Variants in HSPBAP1 observed in about 807,000 individuals in gnomAD.
The protein encoded by HSPBAP1 is HSPB1 associated protein 1, also known as HSPB1-associated protein 1.
HSPBAP1 carries 27 observed loss-of-function variants against 45.2 expected under a neutral mutation model. The ratio of observed to expected loss-of-function variants is 0.60; its 90% confidence interval spans 0.44 to 0.82. HSPBAP1 has a LOEUF of 0.82. Among genes scored for constraint, HSPBAP1 ranks in the 40% least tolerant of loss-of-function variants. The pLI is 0.00. For synonymous variants in HSPBAP1, 204 were observed against 202.7 expected, an observed-to-expected ratio of 1.01 and a Z score of -0.06; for missense variants, 510 against 590.9, an observed-to-expected ratio of 0.86 and a Z score of 1.42.
At chr3:122,753,771 T>C in intron 5 of HSPBAP1, 1 of 985,312 alleles carries the variant, frequency 1.0e-6, no homozygotes, top group Non-Finnish European at 1.2e-6. Flanking sequence ...TAGTAGGTTA[T>C]GCATGTCCTA....
chr3:122,767,213 T>C (rs575541374), intron 3 of HSPBAP1, among the ~76,000 whole-genome samples: 1 of 152,360 alleles, frequency 6.6e-6, no homozygotes, highest in South Asian at 2.1e-4. Flanking sequence ...ATTTCTTTCA[T>C]GGGTATGAGA....
At chr3:122,785,840 T>TATAGATAG (rs60587307) in intron 1 of HSPBAP1, among the ~76,000 whole-genome samples, 2,378 of 151,646 alleles carry the variant, frequency 0.016, 32 homozygotes, top group African/African-American at 0.031. Flanking sequence ...AGTAGCCAAA[T>TATAGATAG]ATAGATAGAT....
At position 122,745,383 on chromosome 3, in the gene HSPBAP1, C is replaced by T. The variant is rs1408859683; in HGVS notation, c.826-4270G>A. Among the ~76,000 whole-genome samples the T allele has an allele frequency of 2.0e-5, 3 of 152,174 alleles. No homozygotes were observed. The South Asian group carries it at 6.2e-4, about 31-fold the overall frequency. ...AGACAGAATGGAAGAGAAGACCTTA[C>T]CCTAGCAGCAAAAAAAGATGAAATA... On this transcript the variant is annotated intron_variant, in intron 6 of 7. Transcript: ENST00000306103.
chr3:122,773,165 A>G (rs1935061231), intron 2 of HSPBAP1, among the ~76,000 whole-genome samples: 1 of 152,082 alleles, frequency 6.6e-6, no homozygotes, highest in South Asian at 2.1e-4. Flanking sequence ...TCTTCATAAT[A>G]TATATGAAGA....
intron 3 of HSPBAP1, among the ~76,000 whole-genome samples, chr3:122,759,864 A>G (rs1398896676): frequency 6.6e-6 from 1 of 152,210 alleles, no homozygotes; most frequent in Non-Finnish European, 1.5e-5. Flanking sequence ...TACATACGCA[A>G]CTTACTAACT....
At chr3:122,745,950 A>G (rs1933832628) in intron 6 of HSPBAP1, among the ~76,000 whole-genome samples, 2 of 152,228 alleles carry the variant, frequency 1.3e-5, no homozygotes, top group Non-Finnish European at 2.9e-5. Context: ...GTTAAAATGG[A>G]TTAAGTTTGC....
At position 122,740,881 on chromosome 3, in the gene HSPBAP1, G is replaced by T; in HGVS notation, c.937-6C>A. The stretch of plus-strand genomic sequence containing the variant: ...GCATGGGACGTTTCCTCAACCTAAG[G>T]GAAGAGAAAAACCTTTTAAAATGGT... On this transcript the variant is annotated splice_region_variant and splice_polypyrimidine_tract_variant and intron_variant, in intron 7 of 7. Transcript: ENST00000306103. The T allele has an allele frequency of 6.2e-7, 1 of 1,612,596 alleles. No homozygotes were observed. The highest frequency in any genetic ancestry group is 8.5e-7 in the Non-Finnish European group (1 of 1,179,236).
At chr3:122,753,609 A>G (rs115441302) in intron 5 of HSPBAP1, 40,437 of 984,316 alleles carry the variant, frequency 0.041, 896 homozygotes, top group Middle Eastern at 0.055. Context: ...GAGATTTCCT[A>G]TTAAGAGCAG....
rs552533498 is a variant in HSPBAP1 at position 122,758,596 on chromosome 3, A to G, written c.569+628T>C. On this transcript the variant is annotated intron_variant, in intron 4 of 7. Coordinates refer to ENST00000306103, the MANE Select transcript of HSPBAP1 (RefSeq NM_024610.6). ...CCCATTTTTAAATAAAAGTTTGAAAACTACAAACTCTTATGTAAAAAAGAA... is the reference window on the plus strand; with the variant it reads ...CCCATTTTTAAATAAAAGTTTGAAAGCTACAAACTCTTATGTAAAAAAGAA... Among the ~76,000 whole-genome samples, 46 of 152,212 alleles carry G rather than the reference A, an allele frequency of 3.0e-4. 1 individual carries two copies. Among genetic ancestry groups the G allele is most frequent in the Non-Finnish European group, 4.3e-4 (29 of 67,996 alleles).
At position 122,746,649 on chromosome 3, in the gene HSPBAP1, C is replaced by G. The variant is rs535980518; in HGVS notation, c.826-5536G>C. On this transcript the variant is annotated intron_variant, in intron 6 of 7. Transcript: ENST00000306103. ...CTCTCTCTCTCCTCTCCCCTCTCCC[C>G]TCTCCCCACGGTCTCCCTCTCCCTC... is the stretch of plus-strand genomic sequence containing the variant. Among the ~76,000 whole-genome samples, 3 of 152,050 alleles carry G rather than the reference C, an allele frequency of 2.0e-5. No homozygotes were observed. In the East Asian group the frequency reaches 5.8e-4, roughly 30 times the overall value.
chr3:122,761,161 C>G (rs1326060710), intron 3 of HSPBAP1, among the ~76,000 whole-genome samples: 2 of 152,084 alleles, frequency 1.3e-5, no homozygotes, highest in African/African-American at 4.8e-5. Context: ...AGCTGAAAGC[C>G]ATTCAGTATA....
chr3:122,755,060 C>A, intron 5 of HSPBAP1, 200 bp downstream of exon 5: 1 of 1,218,548 alleles, frequency 8.2e-7, no homozygotes, highest in Non-Finnish European at 1.0e-6. Context: ...CTTGCCATTT[C>A]CTTTCCAGGA....
At chr3:122,759,105 C>T in intron 4 of HSPBAP1, 119 bp downstream of exon 4, 4 of 1,398,690 alleles carry the variant, frequency 2.9e-6, no homozygotes, top group Non-Finnish European at 2.8e-6. Context: ...GGCAGGCTGA[C>T]AGGATGGGGC....
intron 1 of HSPBAP1, among the ~76,000 whole-genome samples, chr3:122,789,646 G>T (rs760799678): frequency 1.3e-4 from 20 of 152,158 alleles, no homozygotes; most frequent in Non-Finnish European, 2.5e-4. Context: ...TCAAATAACT[G>T]TATAAGAATA....
intron 1 of HSPBAP1, among the ~76,000 whole-genome samples, chr3:122,793,206 G>C (rs1375043851): frequency 6.6e-6 from 1 of 152,098 alleles, no homozygotes; most frequent in African/African-American, 2.4e-5. Flanking sequence ...TGCTAAACCA[G>C]GGTTCACTGA....
chr3:122,784,073 C>T (rs1256928108), intron 1 of HSPBAP1, among the ~76,000 whole-genome samples: 1 of 152,160 alleles, frequency 6.6e-6, no homozygotes, highest in African/African-American at 2.4e-5. Context: ...TTGTGATCCA[C>T]CCACCTTGGT....
intron 2 of HSPBAP1, among the ~76,000 whole-genome samples, chr3:122,776,169 A>G (rs540044634): frequency 2.3e-4 from 35 of 152,352 alleles, no homozygotes; most frequent in Admixed American, 5.2e-4. Flanking sequence ...GATAATAGCA[A>G]TATTCTAGAA....
chr3:122,755,231 A>ATTAAT, intron 5 of HSPBAP1, 29 bp downstream of exon 5: 1 of 1,491,880 alleles, frequency 6.7e-7, no homozygotes, highest in Non-Finnish European at 8.9e-7. Context: ...GTCCCCTGGC[A>ATTAAT]GGTCATTAAT....
chr3:122,764,289 C>A (rs1181575376), intron 3 of HSPBAP1, among the ~76,000 whole-genome samples: 1 of 152,168 alleles, frequency 6.6e-6, no homozygotes, highest in Non-Finnish European at 1.5e-5. Flanking sequence ...TTTCTCTGGT[C>A]TTTAGGACCC....
Sources: gnomAD v4.1 joint callset for allele counts (sites outside exome capture counted in the v4.1 genomes callset) on GRCh38, gnomAD v4.1.1 for gene constraint, MANE v1.5 for transcripts, NCBI Gene and HGNC (gene_info 2026-07-23, HGNC 2026-07-21) for gene names.